KCNIP4: variants seen among roughly 807,000 people sequenced by gnomAD.
The protein encoded by KCNIP4 is Kv channel-interacting protein 4.
A neutral mutation model predicts 34.0 loss-of-function variants in KCNIP4; 12 were observed. The observed-to-expected ratio is 0.35, with a 90% CI of 0.23 to 0.57. KCNIP4 has a LOEUF of 0.57. Among genes scored for constraint, KCNIP4 ranks in the 20% least tolerant of loss-of-function variants. The pLI is 0.83. For missense variants in KCNIP4, 238 were observed against 311.7 expected, an observed-to-expected ratio of 0.76 and a Z score of 1.78; for synonymous variants, 124 against 102.2, an observed-to-expected ratio of 1.21 and a Z score of -1.29.
chr4:20,836,740 C>T (rs543420950), intron 3 of KCNIP4, among the ~76,000 whole-genome samples: 35 of 152,234 alleles, frequency 2.3e-4, no homozygotes, highest in Admixed American at 1.5e-3. Flanking sequence ...AATATCTTCA[C>T]AGTAAAATAT....
chr4:21,722,820 G>A (rs769437540), intron 1 of KCNIP4, among the ~76,000 whole-genome samples: 20 of 152,020 alleles, frequency 1.3e-4, no homozygotes, highest in Non-Finnish European at 2.2e-4. Context: ...CACATCCTAT[G>A]GTAATATTTT....
chr4:20,984,100 G>T (rs1305012400), intron 1 of KCNIP4: 4 of 959,638 alleles, frequency 4.2e-6, no homozygotes, highest in Middle Eastern at 6.6e-4. Context: ...GACAGACCTG[G>T]GCTAAAGTCC....
At chr4:21,390,781 T>C (rs1219889113) in intron 1 of KCNIP4, among the ~76,000 whole-genome samples, 3 of 152,208 alleles carry the variant, frequency 2.0e-5, no homozygotes, top group Non-Finnish European at 2.9e-5. Context: ...GTCTTGGCAA[T>C]GCGGGCCCTT....
At chr4:21,939,663 G>A (rs1444727621) in intron 1 of KCNIP4, among the ~76,000 whole-genome samples, 1 of 152,138 alleles carries the variant, frequency 6.6e-6, no homozygotes, top group Non-Finnish European at 1.5e-5. Context: ...AGAAAATCCT[G>A]ATGAAACTGG....
intron 1 of KCNIP4, among the ~76,000 whole-genome samples, chr4:21,019,508 A>G (rs2149745477): frequency 6.6e-6 from 1 of 152,252 alleles, no homozygotes; most frequent in East Asian, 1.9e-4. Context: ...ATCTTCAAAT[A>G]CAGACACATT....
At chr4:21,179,759 T>C (rs1199742129) in intron 1 of KCNIP4, among the ~76,000 whole-genome samples, 1 of 152,228 alleles carries the variant, frequency 6.6e-6, no homozygotes, top group African/African-American at 2.4e-5. Context: ...AAACTTATTT[T>C]CTTTCTATAA....
chr4:21,041,009 T>C (rs1334758482), intron 1 of KCNIP4, among the ~76,000 whole-genome samples: 4 of 151,742 alleles, frequency 2.6e-5, no homozygotes, highest in South Asian at 2.1e-4. Context: ...CAATGCCTTA[T>C]ATACTTTTAT....
At chr4:20,917,142 A>G (rs547302629) in intron 1 of KCNIP4, among the ~76,000 whole-genome samples, 1 of 149,518 alleles carries the variant, frequency 6.7e-6, no homozygotes, top group Non-Finnish European at 1.5e-5. Flanking sequence ...GGTTCAAGCT[A>G]TTCTCCTGCC....
intron 1 of KCNIP4, among the ~76,000 whole-genome samples, chr4:21,312,299 T>A (rs901365121): frequency 6.6e-6 from 1 of 152,190 alleles, no homozygotes; most frequent in African/African-American, 2.4e-5. Flanking sequence ...GTTATGTGCA[T>A]CAGCATTAAC....
intron 1 of KCNIP4, among the ~76,000 whole-genome samples, chr4:21,919,026 G>C (rs1187206065): frequency 6.6e-6 from 1 of 152,118 alleles, no homozygotes; most frequent in Non-Finnish European, 1.5e-5. Flanking sequence ...GACAGAACAA[G>C]AGGCCAAAGG....
chr4:21,269,224 A>G (rs1287051856), intron 1 of KCNIP4, among the ~76,000 whole-genome samples: 1 of 152,224 alleles, frequency 6.6e-6, no homozygotes, highest in African/African-American at 2.4e-5. Context: ...TTTGCTAATG[A>G]TAGAAGAGAC....
chr4:21,118,587 C>T (rs1289858764), intron 1 of KCNIP4, among the ~76,000 whole-genome samples: 1 of 152,156 alleles, frequency 6.6e-6, no homozygotes, highest in Non-Finnish European at 1.5e-5. Context: ...CTTGCTGTAG[C>T]AAGTTCTGAA....
intron 1 of KCNIP4, among the ~76,000 whole-genome samples, chr4:21,302,722 C>T (rs1711884453): frequency 1.3e-5 from 2 of 152,058 alleles, no homozygotes; most frequent in South Asian, 4.2e-4. Flanking sequence ...GCATCCCCCG[C>T]CCCATGAGTT....
At chr4:21,701,287 T>C (rs1340715918) in intron 1 of KCNIP4, among the ~76,000 whole-genome samples, 1 of 152,146 alleles carries the variant, frequency 6.6e-6, no homozygotes, top group Non-Finnish European at 1.5e-5. Context: ...AAAATGTTGG[T>C]CAAAGGTTAC....
At chr4:21,391,287 T>C (rs1333925231) in intron 1 of KCNIP4, among the ~76,000 whole-genome samples, 1 of 152,126 alleles carries the variant, frequency 6.6e-6, no homozygotes, top group African/African-American at 2.4e-5. Flanking sequence ...TATTGTAATT[T>C]CCATTTAGTT....
chr4:21,138,135 G>T (rs933571654), intron 1 of KCNIP4, among the ~76,000 whole-genome samples: 1 of 152,224 alleles, frequency 6.6e-6, no homozygotes, highest in East Asian at 1.9e-4. Flanking sequence ...GCCTCCCAAA[G>T]TGCATATGCT....
chr4:21,577,354 G>T (rs553348856), intron 1 of KCNIP4, among the ~76,000 whole-genome samples: 8 of 152,234 alleles, frequency 5.3e-5, no homozygotes, highest in African/African-American at 1.2e-4. Flanking sequence ...TTCCAGCTGC[G>T]CACTGTGGCT....
At chr4:21,232,221 A>G (rs1277993512) in intron 1 of KCNIP4, among the ~76,000 whole-genome samples, 4 of 152,194 alleles carry the variant, frequency 2.6e-5, no homozygotes, top group Non-Finnish European at 5.9e-5. Context: ...GGTGTAAAGT[A>G]TCTGTGTCAC....
At chr4:21,455,822 T>TGTTCTCAC (rs757485848) in intron 1 of KCNIP4, among the ~76,000 whole-genome samples, 95 of 54,410 alleles carry the variant, frequency 1.7e-3, no homozygotes, top group African/African-American at 3.6e-3. Context: ...TATATATATA[T>TGTTCTCAC]ATATATATAT....
Sources: allele counts gnomAD v4.1 joint callset (sites outside exome capture counted in the v4.1 genomes callset), GRCh38; gene constraint gnomAD v4.1.1; transcripts MANE v1.5; gene names NCBI Gene and HGNC (gene_info 2026-07-23, HGNC 2026-07-21).